NAV3: variants seen among roughly 807,000 people sequenced by gnomAD.
NAV3 encodes the protein pore membrane and/or filament interacting like protein 1.
NAV3 carries 87 observed loss-of-function variants against 244.7 expected under a neutral mutation model. That is an observed-to-expected ratio of 0.36 (90% CI 0.30 to 0.42). The LOEUF (loss-of-function observed/expected upper bound fraction) is 0.42. Ranked by LOEUF, NAV3 falls within the 20% of genes least tolerant of loss-of-function variation. The probability of loss-of-function intolerance (pLI) is 1.00; values close to 1 mark genes in which losing one functional copy is unlikely to be tolerated. For missense variants in NAV3, 2,663 were observed against 2,893.3 expected (o/e 0.92, Z 1.83); for synonymous variants, 1,126 against 1,042.2 (o/e 1.08, Z -1.55).
At chr12:78,018,843 TC>T (rs1342578399) in intron 8 of NAV3, among the ~76,000 whole-genome samples, 1 of 152,096 alleles carries the variant, frequency 6.6e-6, no homozygotes, top group African/African-American at 2.4e-5. Context: ...GTTTTTCCCT[TC>T]GTTCAGAGAC....
At chr12:78,173,595 A>G (rs1958095801) in intron 24 of NAV3, among the ~76,000 whole-genome samples, 2 of 151,622 alleles carry the variant, frequency 1.3e-5, no homozygotes, top group African/African-American at 2.4e-5. Flanking sequence ...ATTAAAGGAT[A>G]CCGGATTCCT....
chr12:78,146,987 G>C (rs752195134), intron 21 of NAV3, among the ~76,000 whole-genome samples: 2 of 152,054 alleles, frequency 1.3e-5, no homozygotes, highest in African/African-American at 4.8e-5. Flanking sequence ...GTCAAAGAGA[G>C]CAGGAGGACT....
At chr12:77,925,605 T>G (rs1479025) in intron 1 of NAV3, among the ~76,000 whole-genome samples, 17,892 of 152,012 alleles carry the variant, frequency 0.12, 1,149 homozygotes, top group South Asian at 0.2. Context: ...TTAGTGGTCA[T>G]GTGGTTGGCT....
intron 24 of NAV3, among the ~76,000 whole-genome samples, chr12:78,169,344 G>C (rs1318566290): frequency 6.6e-6 from 1 of 151,672 alleles, no homozygotes; most frequent in Non-Finnish European, 1.5e-5. Context: ...ATTTCCTGTA[G>C]ATAATTTTGA....
At chr12:77,593,754 G>GT (rs1870033334) in intron 2 of NAV3, among the ~76,000 whole-genome samples, 1 of 151,594 alleles carries the variant, frequency 6.6e-6, no homozygotes, top group Admixed American at 6.6e-5. Flanking sequence ...GATTAGAGGC[G>GT]TGAGCCACCA....
At chr12:78,177,748 CT>C in intron 28 of NAV3, 63 bp downstream of exon 28, 1 of 1,456,744 alleles carries the variant, frequency 6.9e-7, no homozygotes, top group Non-Finnish European at 9.4e-7. Context: ...GTAGTGTTTG[CT>C]TTTGCTTTTT....
At chr12:77,597,545 C>T (rs12231287) in intron 2 of NAV3, among the ~76,000 whole-genome samples, 2 of 152,124 alleles carry the variant, frequency 1.3e-5, no homozygotes, top group East Asian at 1.9e-4. Flanking sequence ...ATAATTCAAA[C>T]GATCTTGAGT....
At chr12:77,680,152 G>C (rs1232384953) in intron 2 of NAV3, among the ~76,000 whole-genome samples, 3 of 152,158 alleles carry the variant, frequency 2.0e-5, no homozygotes, top group African/African-American at 7.2e-5. Context: ...ACAGACAGAA[G>C]AATAGGATCC....
intron 1 of NAV3, among the ~76,000 whole-genome samples, chr12:77,870,852 G>A (rs540837387): frequency 3.0e-4 from 45 of 152,292 alleles, no homozygotes; most frequent in Non-Finnish European, 4.7e-4. Flanking sequence ...CATCCACAAC[G>A]TAGAAGCAAA....
intron 2 of NAV3, among the ~76,000 whole-genome samples, chr12:77,660,022 G>T (rs1444609713): frequency 6.6e-6 from 1 of 151,858 alleles, no homozygotes; most frequent in Non-Finnish European, 1.5e-5. Flanking sequence ...TGACGAGTTA[G>T]TGGGTGCAGT....
intron 2 of NAV3, among the ~76,000 whole-genome samples, chr12:77,670,599 G>A (rs1447323403): frequency 1.3e-5 from 2 of 152,078 alleles, no homozygotes; most frequent in African/African-American, 2.4e-5. Flanking sequence ...ATGATCAACT[G>A]GGTTTCATAC....
At chr12:78,067,121 A>G (rs1885108772) in intron 12 of NAV3, among the ~76,000 whole-genome samples, 2 of 152,140 alleles carry the variant, frequency 1.3e-5, no homozygotes, top group South Asian at 2.1e-4. Flanking sequence ...CTCTGGGATC[A>G]GGTTCATGAT....
chr12:78,195,502 C>G (rs1369125660), intron 34 of NAV3, among the ~76,000 whole-genome samples: 1 of 151,932 alleles, frequency 6.6e-6, no homozygotes, highest in Admixed American at 6.6e-5. Context: ...TTGTGAATCA[C>G]TTGCTCACCA....
At chr12:77,995,879 A>G (rs1368375483) in intron 6 of NAV3, among the ~76,000 whole-genome samples, 1 of 152,064 alleles carries the variant, frequency 6.6e-6, no homozygotes, top group Non-Finnish European at 1.5e-5. Flanking sequence ...CATGTAAAAT[A>G]TTTTTAAGTA....
intron 12 of NAV3, among the ~76,000 whole-genome samples, chr12:78,074,412 C>T (rs1952939688): frequency 6.6e-6 from 1 of 152,076 alleles, no homozygotes; most frequent in African/African-American, 2.4e-5. Context: ...AAATAAAAGA[C>T]ATGATGTAGC....
chr12:77,918,716 C>T (rs1887410165), intron 1 of NAV3, among the ~76,000 whole-genome samples: 1 of 152,004 alleles, frequency 6.6e-6, no homozygotes. Context: ...TGGAGCTTGC[C>T]TCCATATGGT....
At chr12:77,862,197 A>C (rs1879351018) in intron 1 of NAV3, among the ~76,000 whole-genome samples, 2 of 151,682 alleles carry the variant, frequency 1.3e-5, no homozygotes, top group South Asian at 4.1e-4. Flanking sequence ...ATAATGTAAT[A>C]GTCCTCTAAT....
chr12:77,622,568 G>A (rs1200552790), intron 2 of NAV3, among the ~76,000 whole-genome samples: 1 of 130,632 alleles, frequency 7.7e-6, no homozygotes, highest in Non-Finnish European at 1.6e-5. Flanking sequence ...TTTACTGGAA[G>A]TTGAAAGAGA....
chr12:77,662,877 C>G (rs1213939225), intron 2 of NAV3, among the ~76,000 whole-genome samples: 1 of 151,974 alleles, frequency 6.6e-6, no homozygotes, highest in Non-Finnish European at 1.5e-5. Context: ...TAAAATTCAC[C>G]TTTTCCGTTT....
Sources: allele counts gnomAD v4.1 joint callset (sites outside exome capture counted in the v4.1 genomes callset), GRCh38; gene constraint gnomAD v4.1.1; transcripts MANE v1.5; gene names NCBI Gene and HGNC (gene_info 2026-07-23, HGNC 2026-07-21).